SH3KBP1: variants seen among roughly 807,000 people sequenced by gnomAD.
SH3KBP1 encodes the protein SH3 domain-containing kinase-binding protein 1.
SH3KBP1 carries 8 observed loss-of-function variants against 50.1 expected under a neutral mutation model. That is an observed-to-expected ratio of 0.16 (90% CI 0.09 to 0.29). The LOEUF (loss-of-function observed/expected upper bound fraction) is 0.29. SH3KBP1 is among the 10% of genes least tolerant of loss of function. The pLI, the probability that SH3KBP1 is intolerant of heterozygous loss-of-function variation, is 1.00. For synonymous variants in SH3KBP1, 227 were observed against 218.6 expected, an observed-to-expected ratio of 1.04 and a Z score of -0.34; for missense variants, 377 against 535.2, an observed-to-expected ratio of 0.70 and a Z score of 2.92.
At chrX:19,754,357 C>T (rs747411771) in intron 2 of SH3KBP1, among the ~76,000 whole-genome samples, 35 of 112,026 alleles carry the variant, frequency 3.1e-4, no homozygotes, top group Admixed American at 1.1e-3. Flanking sequence ...GCCCACACCC[C>T]GCTAAACATC....
At chrX:19,543,529 C>A (rs962147924) in intron 15 of SH3KBP1, among the ~76,000 whole-genome samples, 1 of 111,227 alleles carries the variant, frequency 9.0e-6, no homozygotes, top group Non-Finnish European at 1.9e-5. Context: ...CTGCTCCTGG[C>A]AGATGACCAC....
intron 2 of SH3KBP1, among the ~76,000 whole-genome samples, chrX:19,781,546 A>C (rs2066180321): frequency 9.4e-6 from 1 of 106,534 alleles, no homozygotes; most frequent in South Asian, 4.7e-4. Flanking sequence ...TGAGCCCAGG[A>C]GGTCGAGACT....
intron 12 of SH3KBP1, among the ~76,000 whole-genome samples, chrX:19,580,419 A>AT (rs764988065): frequency 1.2e-4 from 13 of 110,668 alleles, no homozygotes; most frequent in Non-Finnish European, 1.9e-4. Flanking sequence ...CTCACCCCAA[A>AT]TCTGTCTCCT....
chrX:19,622,758 G>C (rs1004987444), intron 8 of SH3KBP1, among the ~76,000 whole-genome samples: 5 of 112,209 alleles, frequency 4.5e-5, no homozygotes, highest in Admixed American at 2.8e-4. Flanking sequence ...GAGGATTGTC[G>C]AGGGCCAGGC....
chrX:19,542,561 C>T (rs748660164), intron 15 of SH3KBP1, among the ~76,000 whole-genome samples: 3 of 111,438 alleles, frequency 2.7e-5, no homozygotes, highest in Non-Finnish European at 5.7e-5. Context: ...GGGGCGCAGA[C>T]AGACAGACAG....
At chrX:19,726,492 CT>C (rs1391541221) in intron 3 of SH3KBP1, among the ~76,000 whole-genome samples, 1 of 109,352 alleles carries the variant, frequency 9.1e-6, no homozygotes, top group African/African-American at 3.3e-5. Context: ...TTTTTTTTAA[CT>C]TTTATTTTAG....
chrX:19,885,349 C>G (rs1311040610), intron 1 of SH3KBP1, among the ~76,000 whole-genome samples: 1 of 111,579 alleles, frequency 9.0e-6, no homozygotes, highest in Non-Finnish European at 1.9e-5. Flanking sequence ...CTATAAGCAC[C>G]TTAAATCCCA....
At chrX:19,658,492 G>T (rs1410557409) in intron 6 of SH3KBP1, among the ~76,000 whole-genome samples, 1 of 111,651 alleles carries the variant, frequency 9.0e-6, no homozygotes, top group African/African-American at 3.3e-5. Context: ...CATTTTCTGG[G>T]CTCCTCTATT....
chrX:19,573,283 T>A (rs2066101619), intron 12 of SH3KBP1, among the ~76,000 whole-genome samples: 1 of 111,074 alleles, frequency 9.0e-6, no homozygotes, highest in African/African-American at 3.3e-5. Context: ...CCTTTTAAAG[T>A]TTACTTTTAT....
intron 13 of SH3KBP1, among the ~76,000 whole-genome samples, chrX:19,553,961 T>TATATAATATATATTAAAATATAAA (rs2065335847): frequency 1.5e-5 from 1 of 66,647 alleles, no homozygotes; most frequent in Non-Finnish European, 2.4e-5. Context: ...TAAAATATAA[T>TATATAATATATATTAAAATATAAA]ATATAATATA....
chrX:19,573,582 C>T (rs759275616), intron 12 of SH3KBP1, among the ~76,000 whole-genome samples: 32 of 112,064 alleles, frequency 2.9e-4, no homozygotes, highest in Non-Finnish European at 4.5e-4. Context: ...CCACCATGCC[C>T]GGCCTAAAGT....
At position 19,702,446 on chromosome X, in the gene SH3KBP1, G is replaced by A. The variant is rs776689358; in HGVS notation, c.390+4435C>T. 1.5e-3 allele frequency among the ~76,000 whole-genome samples: 163 copies of A among 111,346 alleles called. 1 individual carries two copies. Among genetic ancestry groups the A allele is most frequent in the African/African-American group, 4.7e-3 (143 of 30,577 alleles). ...ATCATCTTTGCAAGCCACAAAACCA[G>A]GTTAGGCTTTAAGCCAGCCTGACTG... On this transcript the variant is annotated intron_variant, in intron 4 of 17. Transcript: ENST00000397821.
chrX:19,852,936 C>A (rs755488820), intron 1 of SH3KBP1, among the ~76,000 whole-genome samples: 1 of 106,900 alleles, frequency 9.4e-6, no homozygotes, highest in African/African-American at 3.8e-5. Flanking sequence ...AAAAGTGGAT[C>A]AACATTACAA....
At chrX:19,860,544 G>C (rs751345464) in intron 1 of SH3KBP1, among the ~76,000 whole-genome samples, 2 of 111,646 alleles carry the variant, frequency 1.8e-5, no homozygotes, top group South Asian at 7.3e-4. Context: ...AACAGATAAT[G>C]GTTACACAAC....
At chrX:19,861,399 T>A (rs1048483977) in intron 1 of SH3KBP1, among the ~76,000 whole-genome samples, 4 of 108,540 alleles carry the variant, frequency 3.7e-5, no homozygotes, top group Non-Finnish European at 7.7e-5. Flanking sequence ...AAAAAATAAA[T>A]AAAAATAAAT....
chrX:19,538,655 C>T (rs1032294567), intron 16 of SH3KBP1, among the ~76,000 whole-genome samples: 3 of 109,866 alleles, frequency 2.7e-5, no homozygotes, highest in Non-Finnish European at 5.7e-5. Context: ...GGGGTGATCT[C>T]GGTTCACTGC....
At chrX:19,647,727 G>A (rs2062021529) in intron 6 of SH3KBP1, among the ~76,000 whole-genome samples, 1 of 111,339 alleles carries the variant, frequency 9.0e-6, no homozygotes, top group Non-Finnish European at 1.9e-5. Flanking sequence ...CTCCGGAGAT[G>A]GGAATTGGCC....
At chrX:19,803,478 G>C (rs775123777) in intron 2 of SH3KBP1, among the ~76,000 whole-genome samples, 7 of 111,945 alleles carry the variant, frequency 6.3e-5, no homozygotes, top group Admixed American at 9.5e-5. Flanking sequence ...CCAAAGCACT[G>C]GAATTACAGG....
rs73631373 is a variant in SH3KBP1 at position 19,827,760 on chromosome X, C to G, written c.162+8365G>C. ...CTGGCTTTCTGTTTTAGGTAGCAGTCTGAGGTCCCAGAAGTGCAGTCTTTT... is the reference window on the plus strand; with the variant it reads ...CTGGCTTTCTGTTTTAGGTAGCAGTGTGAGGTCCCAGAAGTGCAGTCTTTT... On this transcript the variant is annotated intron_variant, in intron 2 of 17. Transcript: ENST00000397821. Among the ~76,000 whole-genome samples, 506 of 91,876 alleles carry G rather than the reference C, an allele frequency of 5.5e-3. 3 individuals are homozygous for G. The highest frequency in any genetic ancestry group is 0.02 in the African/African-American group (470 of 24,066). 79.8% of individuals were successfully genotyped at this position (91,876 alleles called of 115,157 possible). A position where few individuals can be genotyped will look rare whatever the true frequency, so the allele number is the denominator to read the frequency against.
Sources: gnomAD v4.1 joint callset for allele counts (sites outside exome capture counted in the v4.1 genomes callset) on GRCh38, gnomAD v4.1.1 for gene constraint, MANE v1.5 for transcripts, NCBI Gene and HGNC (gene_info 2026-07-23, HGNC 2026-07-21) for gene names.